The following GGPS1 variants were observed in gnomAD, a reference collection of about 807,000 sequenced individuals.
GGPS1 encodes geranylgeranyl diphosphate synthase 1, also known as geranylgeranyl pyrophosphate synthase.
A neutral mutation model predicts 28.1 loss-of-function variants in GGPS1; 15 were observed. The ratio of observed to expected loss-of-function variants is 0.53; its 90% confidence interval spans 0.36 to 0.82. GGPS1 has a LOEUF of 0.82. Ranked by LOEUF, GGPS1 falls within the 40% of genes least tolerant of loss-of-function variation. GGPS1 has a pLI of 0.01. For synonymous variants in GGPS1, 138 were observed against 122.4 expected (o/e 1.13, Z -0.84); for missense variants, 284 against 348.3 (o/e 0.82, Z 1.47).
intron 1 of GGPS1, chr1:235,329,056 G>C (rs1675585281): frequency 6.6e-6 from 1 of 152,192 alleles, no homozygotes; most frequent in South Asian, 2.1e-4. Context: ...GCAGTTCTCT[G>C]CCCAGCCGCT....
At chr1:235,341,596 G>A (rs1162565498) in intron 2 of GGPS1, 112 bp from the exon 3 acceptor site, 6 of 728,866 alleles carry the variant, frequency 8.2e-6, no homozygotes, top group Non-Finnish European at 1.2e-5. Flanking sequence ...GATGAGGCTG[G>A]ATTTAGCAAG....
chr1:235,340,248 G>A (rs887642643), intron 2 of GGPS1, among the ~76,000 whole-genome samples: 2 of 152,166 alleles, frequency 1.3e-5, no homozygotes, highest in Admixed American at 6.5e-5. Flanking sequence ...TGTAGCGGCC[G>A]GATTGCTTGA....
chr1:235,340,093 G>A (rs775429151), intron 2 of GGPS1, among the ~76,000 whole-genome samples: 25 of 151,918 alleles, frequency 1.6e-4, no homozygotes, highest in Middle Eastern at 3.2e-3. Flanking sequence ...AGATCACGCC[G>A]CTGCAATCCA....
At chr1:235,336,619 CCT>C (rs1016554068) in intron 2 of GGPS1, among the ~76,000 whole-genome samples, 4 of 152,016 alleles carry the variant, frequency 2.6e-5, no homozygotes, top group African/African-American at 9.7e-5. Flanking sequence ...AACAAGTCCC[CCT>C]CTCTGTTTTA....
chr1:235,341,080 A>C lies in GGPS1; in HGVS notation c.71-628A>C, dbSNP rs148659043. Among the ~76,000 whole-genome samples the C allele has an allele frequency of 3.7e-4, 56 of 152,282 alleles. 1 individual carries two copies. The East Asian group carries it at 0.01, about 27-fold the overall frequency. On this transcript the variant is annotated intron_variant, in intron 2 of 3. Transcript: ENST00000282841. ...CGCAGTGGCTCACGCCTGTAATCCA[A>C]ACACTTTGGGAGGCCGATGCGGGTG...
intron 2 of GGPS1, among the ~76,000 whole-genome samples, chr1:235,337,334 C>CA (rs1675901318): frequency 6.6e-6 from 1 of 151,766 alleles, no homozygotes; most frequent in Non-Finnish European, 1.5e-5. Flanking sequence ...CTGTGACTTC[C>CA]TTTTTTTTAA....
chr1:235,327,830 C>T (rs1012290461), upstream of GGPS1: 3 of 152,610 alleles, frequency 2.0e-5, no homozygotes, highest in African/African-American at 7.2e-5. Context: ...TTCTCCCCCC[C>T]AAAACCAGCA....
intron 2 of GGPS1, among the ~76,000 whole-genome samples, chr1:235,340,511 C>T (rs1361094941): frequency 6.7e-6 from 1 of 150,206 alleles, no homozygotes; most frequent in African/African-American, 2.4e-5. Flanking sequence ...CCGAGGCGGG[C>T]GGATCACGAG....
intron 2 of GGPS1, among the ~76,000 whole-genome samples, chr1:235,337,488 T>G (rs1167930590): frequency 6.6e-6 from 1 of 152,184 alleles, no homozygotes; most frequent in Non-Finnish European, 1.5e-5. Context: ...AATATGACAT[T>G]GCACTATGCA....
In GGPS1 at chr1:235,342,691, G is replaced by A. The variant is rs185069463; in HGVS notation, c.822G>A (p.Gln274=). The change falls in exon 4 of 4, where the codon CAG becomes CAA. Residue 274 remains glutamine, a synonymous_variant. Coordinates refer to ENST00000282841, the MANE Select transcript of GGPS1 (RefSeq NM_004837.4). ...LKELEAKAYK[Q]IDARGGNPEL... is the part of the protein sequence containing the mutation. ...AGCTTGAAGCTAAAGCCTATAAACA[G>A]ATTGATGCACGTGGTGGGAACCCTG... 2 of 1,609,440 alleles carry A rather than the reference G, an allele frequency of 1.2e-6. No individual in the cohort carries two copies. Among genetic ancestry groups the A allele is most frequent in the East Asian group, 4.5e-5 (2 of 44,848 alleles).
chr1:235,344,281 A>G lies in GGPS1; in HGVS notation c.*1509A>G. ...ATGTTACTTAGGATCTATTTACCAT[A>G]TATTTGTATGAGAAATCCTCACCCA... is the stretch of plus-strand genomic sequence containing the variant. On this transcript the variant is annotated 3_prime_UTR_variant, in exon 4 of 4. Transcript: ENST00000282841. 1.2e-5 allele frequency: 2 copies of G among 167,008 alleles called. No homozygotes were observed. 10.3% of individuals were successfully genotyped at this position (167,008 alleles called of 1,614,324 possible).
At chr1:235,340,692 C>T (rs574168320) in intron 2 of GGPS1, among the ~76,000 whole-genome samples, 3 of 137,978 alleles carry the variant, frequency 2.2e-5, no homozygotes, top group Non-Finnish European at 4.6e-5. Context: ...GCCGAGATCG[C>T]GCCACTGCAC....
chr1:235,332,788 T>C (rs1675755780), intron 1 of GGPS1, among the ~76,000 whole-genome samples: 1 of 152,206 alleles, frequency 6.6e-6, no homozygotes, highest in Admixed American at 6.5e-5. Context: ...AGAGTATCAA[T>C]GATCAGATCA....
In GGPS1 at chr1:235,342,724, A is replaced by C; in HGVS notation, c.855A>C (p.Val285=). The part of the protein sequence containing the change: ...IDARGGNPEL[V]ALVKHLSKMF... Reference sequence around the variant, plus strand: ...CACGTGGTGGGAACCCTGAGCTAGTAGCCTTAGTAAAACACTTAAGTAAGA... The same window carrying C: ...CACGTGGTGGGAACCCTGAGCTAGTCGCCTTAGTAAAACACTTAAGTAAGA... Residue 285 remains valine, a synonymous_variant, in exon 4 of 4, where the codon GTA becomes GTC. Transcript: ENST00000282841. 1 of 1,602,208 alleles carries C rather than the reference A, an allele frequency of 6.2e-7. No individual in the cohort carries two copies.
In GGPS1 at chr1:235,342,728, T is replaced by G; in HGVS notation, c.859T>G (p.Leu287Val). The change falls in exon 4 of 4, where the codon TTA (leucine) becomes GTA (valine). Residue 287 changes from leucine to valine, a missense_variant. Physicochemically the swap from Leu to Val is conservative, Grantham distance 32. Transcript: ENST00000282841. Reference sequence around the variant, plus strand: ...TGGTGGGAACCCTGAGCTAGTAGCCTTAGTAAAACACTTAAGTAAGATGTT... The same window carrying G: ...TGGTGGGAACCCTGAGCTAGTAGCCGTAGTAAAACACTTAAGTAAGATGTT... ...ARGGNPELVA[L>V]VKHLSKMFKE... is the part of the protein sequence containing the mutation. 2 of 1,600,588 alleles carry G rather than the reference T, an allele frequency of 1.2e-6. No individual in the cohort carries two copies. Among genetic ancestry groups the G allele is most frequent in the South Asian group, 2.3e-5 (2 of 88,244 alleles).
chr1:235,342,998 G>T lies in GGPS1; in HGVS notation c.*226G>T. On this transcript the variant is annotated 3_prime_UTR_variant, in exon 4 of 4. Transcript: ENST00000282841. ...AGCCACAGTTATGTAGGTCTGATTTGAATGTCATAATTGCAGTGACAGGAC... is the reference window on the plus strand; with the variant it reads ...AGCCACAGTTATGTAGGTCTGATTTTAATGTCATAATTGCAGTGACAGGAC... The T allele has an allele frequency of 2.7e-6, 1 of 367,184 alleles. No individual in the cohort carries two copies. The highest frequency in any genetic ancestry group is 5.1e-6 in the Non-Finnish European group (1 of 195,890). The allele number at this position is 367,184 out of a possible 1,614,324, so 22.7% of individuals were successfully genotyped here.
At chr1:235,339,075 G>A (rs1266359032) in intron 2 of GGPS1, among the ~76,000 whole-genome samples, 2 of 152,040 alleles carry the variant, frequency 1.3e-5, no homozygotes, top group African/African-American at 4.8e-5. Context: ...TGAGGTGGGT[G>A]GATCACCTGA....
chr1:235,331,985 C>CT (rs1421632637), intron 1 of GGPS1, among the ~76,000 whole-genome samples: 2 of 152,200 alleles, frequency 1.3e-5, no homozygotes, highest in African/African-American at 4.8e-5. Context: ...ATTGGGTAGT[C>CT]TCAGCACTTC....
chr1:235,341,592 G>C, intron 2 of GGPS1, 116 bp from the exon 3 acceptor site: 2 of 716,958 alleles, frequency 2.8e-6, no homozygotes, highest in Non-Finnish European at 5.1e-6. Context: ...GATTGATGAG[G>C]CTGGATTTAG....
Sources: gnomAD v4.1 joint callset for allele counts (sites outside exome capture counted in the v4.1 genomes callset) on GRCh38, gnomAD v4.1.1 for gene constraint, MANE v1.5 for transcripts, NCBI Gene and HGNC (gene_info 2026-07-23, HGNC 2026-07-21) for gene names.